Variants in GGTA1 observed in about 807,000 individuals in gnomAD.
GGTA1 encodes inactive N-acetyllactosaminide alpha-1,3-galactosyltransferase.
Under a neutral mutation model 2.6 loss-of-function variants are expected in GGTA1, and 5 were observed. That is an observed-to-expected ratio of 1.92 (90% CI 1.00 to 4.04). GGTA1 has a LOEUF of 4.04. Ranked by LOEUF, GGTA1 falls within the 30% of genes most tolerant of loss-of-function variation. The probability of loss-of-function intolerance (pLI) is 0.00; values close to 1 mark genes in which losing one functional copy is unlikely to be tolerated. For missense variants in GGTA1, 50 were observed against 16.7 expected, an observed-to-expected ratio of 2.99 and a Z score of -3.47; for synonymous variants, 17 against 5.0, an observed-to-expected ratio of 3.38 and a Z score of -3.19.
chr9:121,495,634 C>A (rs1464402802), intron 1 of GGTA1, among the ~76,000 whole-genome samples: 2 of 152,198 alleles, frequency 1.3e-5, no homozygotes, highest in African/African-American at 2.4e-5. Context: ...CCCTCCACTC[C>A]ATCAAAACTG....
chr9:121,493,558 G>T (rs1444405769), intron 1 of GGTA1, among the ~76,000 whole-genome samples: 2 of 152,084 alleles, frequency 1.3e-5, no homozygotes, highest in Admixed American at 6.6e-5. Context: ...TCAGTGTAGA[G>T]AAATCTTATC....
chr9:121,480,131 C>T (rs1828611257), intron 1 of GGTA1, among the ~76,000 whole-genome samples: 1 of 151,610 alleles, frequency 6.6e-6, no homozygotes, highest in Non-Finnish European at 1.5e-5. Flanking sequence ...TCTCGGCTCA[C>T]TGCAAGCTCC....
chr9:121,472,094 T>G (rs1210831804), intron 1 of GGTA1, among the ~76,000 whole-genome samples: 1 of 152,224 alleles, frequency 6.6e-6, no homozygotes, highest in African/African-American at 2.4e-5. Context: ...CTTTTTGTAA[T>G]TCAATTGGCA....
intron 7 of GGTA1, among the ~76,000 whole-genome samples, chr9:121,447,877 A>G (rs188094536): frequency 1.3e-4 from 20 of 152,216 alleles, no homozygotes; most frequent in African/African-American, 4.8e-4. Flanking sequence ...CTCACTGCCA[A>G]TTTTGGAAGA....
intron 5 of GGTA1, among the ~76,000 whole-genome samples, chr9:121,457,229 GTGGGGTGGAATTGAGAAATCCATTC>G (rs1411635650): frequency 1.3e-5 from 2 of 152,204 alleles, no homozygotes; most frequent in South Asian, 4.1e-4. Context: ...GAGAACAAGG[GTGGGGTGGAATTGAGAAATCCATTC>G]TGGCCATGTG....
At chr9:121,463,923 G>C (rs1160052251) in intron 2 of GGTA1, among the ~76,000 whole-genome samples, 1 of 152,068 alleles carries the variant, frequency 6.6e-6, no homozygotes, top group Non-Finnish European at 1.5e-5. Context: ...GCCTTCTATA[G>C]AACAGCCCCC....
intron 3 of GGTA1, among the ~76,000 whole-genome samples, chr9:121,462,420 G>T (rs1047808677): frequency 1.3e-5 from 2 of 152,192 alleles, no homozygotes; most frequent in African/African-American, 4.8e-5. Context: ...GACAAATACG[G>T]TGGTGAGCTA....
At chr9:121,464,284 G>C (rs2064985482) in intron 2 of GGTA1, among the ~76,000 whole-genome samples, 2 of 150,620 alleles carry the variant, frequency 1.3e-5, no homozygotes, top group East Asian at 2.0e-4. Context: ...CAGAACAATG[G>C]ATCCTCCTCC....
intron 1 of GGTA1, among the ~76,000 whole-genome samples, chr9:121,486,500 C>T (rs1828756538): frequency 6.6e-6 from 1 of 152,204 alleles, no homozygotes; most frequent in African/African-American, 2.4e-5. Flanking sequence ...TAGGGAAGGC[C>T]CCACAACCCT....
intron 1 of GGTA1, among the ~76,000 whole-genome samples, chr9:121,496,021 C>T (rs980123287): frequency 6.6e-6 from 1 of 152,204 alleles, no homozygotes; most frequent in Non-Finnish European, 1.5e-5. Flanking sequence ...GTACAAGTAC[C>T]AGGTCTTTAA....
In GGTA1 at chr9:121,476,634, G is replaced by T. The variant is rs1039218770; in HGVS notation, c.-9-8703C>A. Among the ~76,000 whole-genome samples, 8 of 152,296 alleles carry T rather than the reference G, an allele frequency of 5.3e-5. No homozygotes were observed. Among genetic ancestry groups the T allele is most frequent in the African/African-American group, 1.9e-4 (8 of 41,566 alleles). ...CCTTGGTGTGATGATCAAATGATAG[G>T]ATTCATCAACTATCACTTCTCAGCC... On this transcript the variant is annotated intron_variant, in intron 1 of 5. Transcript: ENST00000481799. This position sits in a 1 kb window ranked among gnomAD's most constrained non-coding sequence, Gnocchi z 4.6.
At chr9:121,450,670 G>C (rs532610956), downstream of GGTA1, among the ~76,000 whole-genome samples, 1 of 152,264 alleles carries the variant, frequency 6.6e-6, no homozygotes, top group African/African-American at 2.4e-5. Context: ...AACGTGGCTG[G>C]GTTATCCCCT....
At chr9:121,484,533 C>T (rs1031429809) in intron 1 of GGTA1, among the ~76,000 whole-genome samples, 2 of 152,150 alleles carry the variant, frequency 1.3e-5, no homozygotes, top group South Asian at 4.1e-4. Flanking sequence ...ATCCACCTGC[C>T]TCAGCCTCCC....
intron 1 of GGTA1, among the ~76,000 whole-genome samples, chr9:121,497,804 G>A (rs368873594): frequency 2.4e-4 from 36 of 152,328 alleles, no homozygotes; most frequent in Middle Eastern, 6.8e-3. Flanking sequence ...CAGAGGATGA[G>A]ATTCACAGGC....
chr9:121,489,749 C>T lies in GGTA1; in HGVS notation c.-10+9901G>A, dbSNP rs531731019. ...TGTGTTTGTGGGAAGCTGCATTCTT[C>T]GGGTGGCAGGGAAGAGTATGGTGGT... is the stretch of plus-strand genomic sequence containing the variant. On this transcript the variant is annotated intron_variant, in intron 1 of 5. Coordinates refer to ENST00000481799, the MANE Select transcript of GGTA1 (RefSeq NM_001382585.1). 4.3e-4 allele frequency among the ~76,000 whole-genome samples: 66 copies of T among 152,254 alleles called. 2 individuals are homozygous for T. The South Asian group carries it at 0.012, about 28-fold the overall frequency.
rs76206445 is a variant in GGTA1, at chr9:121,461,915, G to C, written c.117-598C>G. Among the ~76,000 whole-genome samples, 1,219 of 152,364 alleles carry C rather than the reference G, an allele frequency of 8.0e-3. 15 individuals are homozygous for C. Among genetic ancestry groups the C allele is most frequent in the African/African-American group, 0.028 (1,160 of 41,580 alleles). ...AATTTGGGTTGCCCAAAGGTTAGCA[G>C]TAACAGCCTCAGGAAATCTGAGGGT... On this transcript the variant is annotated intron_variant, in intron 3 of 5. Transcript: ENST00000481799.
chr9:121,457,711 A>AAC (rs1554836289), intron 5 of GGTA1, among the ~76,000 whole-genome samples: 3 of 149,260 alleles, frequency 2.0e-5, no homozygotes, highest in South Asian at 2.2e-4. Flanking sequence ...AAAAAAAAAA[A>AAC]AAAAACAGTA....
intron 1 of GGTA1, among the ~76,000 whole-genome samples, chr9:121,474,555 A>G (rs561969885): frequency 6.6e-6 from 1 of 152,078 alleles, no homozygotes; most frequent in South Asian, 2.1e-4. Context: ...ATTCTTCCCT[A>G]CCACCCACCT....
intron 1 of GGTA1, chr9:121,494,922 CTT>C (rs66772492): frequency 4.7e-4 from 54 of 114,038 alleles, no homozygotes; most frequent in African/African-American, 6.5e-4. Flanking sequence ...CTACATCATT[CTT>C]TTTTTTTTTT....
Sources: allele counts gnomAD v4.1 joint callset (sites outside exome capture counted in the v4.1 genomes callset), GRCh38; gene constraint gnomAD v4.1.1; non-coding constraint Gnocchi (gnomAD v3.1); transcripts MANE v1.5; gene names NCBI Gene and HGNC (gene_info 2026-07-23, HGNC 2026-07-21).